The following TRERF1 variants were observed in gnomAD, a reference collection of about 807,000 sequenced individuals.
The protein encoded by TRERF1 is transcriptional regulating factor 1, also known as transcriptional-regulating factor 1.
In TRERF1, 27 loss-of-function variants were observed where a neutral mutation model predicts 122.9. That is an observed-to-expected ratio of 0.22 (90% CI 0.16 to 0.30). The LOEUF is 0.30. TRERF1 is among the 10% of genes least tolerant of loss of function. TRERF1 has a pLI of 1.00. For synonymous variants in TRERF1, 636 were observed against 641.7 expected, an observed-to-expected ratio of 0.99 and a Z score of 0.13; for missense variants, 1,248 against 1,560.3, an observed-to-expected ratio of 0.80 and a Z score of 3.37.
intron 3 of TRERF1, among the ~76,000 whole-genome samples, chr6:42,324,218 C>CT (rs1238274069): frequency 6.6e-6 from 1 of 152,108 alleles, no homozygotes; most frequent in East Asian, 1.9e-4. Context: ...AATATCTCTA[C>CT]AAGAACTACA....
chr6:42,235,084 G>GTTT (rs10644115), intron 16 of TRERF1, among the ~76,000 whole-genome samples: 4,349 of 148,312 alleles, frequency 0.029, 231 homozygotes, highest in African/African-American at 0.1. Flanking sequence ...TATCTTTTTT[G>GTTT]TTTTTTTTTT....
Position 42,268,986 on chromosome 6 carries a change from T to G in TRERF1, c.605A>C (p.Gln202Pro), listed in dbSNP as rs1779756771. Residue 202 changes from glutamine (Q) to proline (P), a missense_variant, in exon 5 of 18, where the codon CAG becomes CCG. By Grantham distance (76) the Gln-to-Pro change is moderately conservative (BLOSUM62 -1). Transcript: ENST00000372922. The surrounding 1 kb of genome is among the most constrained non-coding windows in gnomAD (Gnocchi z 4.4). Reference sequence around the variant, plus strand: ...AGGGTGAGGCTGCTGGGGCACCTGCTGGTAGCGGGAAGGGATAGCCGGTGC... The same window carrying G: ...AGGGTGAGGCTGCTGGGGCACCTGCGGGTAGCGGGAAGGGATAGCCGGTGC... The G allele has an allele frequency of 1.2e-6, 2 of 1,612,350 alleles. No homozygotes were observed. The highest frequency in any genetic ancestry group is 1.7e-6 in the Non-Finnish European group (2 of 1,178,788).
At chr6:42,233,439 C>A (rs1008675414) in intron 16 of TRERF1, among the ~76,000 whole-genome samples, 4 of 152,078 alleles carry the variant, frequency 2.6e-5, no homozygotes, top group African/African-American at 9.7e-5. Context: ...GCGCCCGCCA[C>A]CACGCCTGGC....
rs1780918822 is a variant in TRERF1 at position 42,275,017 on chromosome 6, T to C, written c.-258-5169A>G. ...GGACAGTCAATCAGGTTCTTATATA[T>C]CCTCCTAGAGACACTTTATGCTCAT... On this transcript the variant is annotated intron_variant, in intron 4 of 17. Coordinates refer to ENST00000372922, the Ensembl canonical transcript of TRERF1. The surrounding 1 kb of genome is among the most constrained non-coding windows in gnomAD (Gnocchi z 4.1). 1.3e-5 allele frequency among the ~76,000 whole-genome samples: 2 copies of C among 152,172 alleles called. No individual in the cohort carries two copies. Among genetic ancestry groups the C allele is most frequent in the African/African-American group, 4.8e-5 (2 of 41,442 alleles).
At chr6:42,318,498 T>C (rs1762868488) in intron 3 of TRERF1, among the ~76,000 whole-genome samples, 1 of 152,122 alleles carries the variant, frequency 6.6e-6, no homozygotes, top group South Asian at 2.1e-4. Flanking sequence ...GAACCCTTCA[T>C]TCAGTTAAGA....
At chr6:42,365,684 T>C (rs1288635360) in intron 2 of TRERF1, among the ~76,000 whole-genome samples, 1 of 152,188 alleles carries the variant, frequency 6.6e-6, no homozygotes, top group Non-Finnish European at 1.5e-5. Context: ...AGGTAGCAAG[T>C]GGCAGAGCTA....
At chr6:42,312,613 G>A (rs1561966348) in intron 3 of TRERF1, among the ~76,000 whole-genome samples, 1 of 152,184 alleles carries the variant, frequency 6.6e-6, no homozygotes, top group Non-Finnish European at 1.5e-5. Flanking sequence ...GGTGTGCCGA[G>A]GTCTGGGCAT....
intron 4 of TRERF1, among the ~76,000 whole-genome samples, chr6:42,274,390 G>C (rs1014784076): frequency 6.6e-5 from 10 of 152,142 alleles, no homozygotes; most frequent in South Asian, 2.1e-4. Context: ...TTTGTTCAAT[G>C]AAAGAAGAGG....
intron 8 of TRERF1, among the ~76,000 whole-genome samples, chr6:42,260,866 C>T (rs1260076970): frequency 2.0e-5 from 3 of 152,182 alleles, no homozygotes; most frequent in African/African-American, 7.2e-5. Context: ...GAGCTTCAGG[C>T]TCTGCCCCCT....
chr6:42,451,063 C>G (rs1043102541), intron 2 of TRERF1, 114 bp downstream of exon 2: 23 of 152,168 alleles, frequency 1.5e-4, no homozygotes, highest in African/African-American at 5.5e-4. Flanking sequence ...GGGGGGGAGA[C>G]TTCTCCTTCT....
At chr6:42,339,554 C>A (rs575393802) in intron 3 of TRERF1, among the ~76,000 whole-genome samples, 16 of 152,342 alleles carry the variant, frequency 1.1e-4, no homozygotes, top group African/African-American at 3.6e-4. Flanking sequence ...TAAGCAAATT[C>A]TATTATGTTG....
chr6:42,315,396 G>A (rs919115801), intron 3 of TRERF1, among the ~76,000 whole-genome samples: 11 of 152,220 alleles, frequency 7.2e-5, no homozygotes, highest in African/African-American at 2.7e-4. Flanking sequence ...AGAAGCACAT[G>A]CCAAGGACTT....
intron 3 of TRERF1, among the ~76,000 whole-genome samples, chr6:42,338,376 G>A (rs1037845794): frequency 6.6e-6 from 1 of 152,194 alleles, no homozygotes; most frequent in Non-Finnish European, 1.5e-5. Context: ...GTCACGGGAC[G>A]TGGGTAGGGG....
At chr6:42,444,250 GA>G (rs1394276669) in intron 2 of TRERF1, among the ~76,000 whole-genome samples, 1 of 144,622 alleles carries the variant, frequency 6.9e-6, no homozygotes, top group African/African-American at 2.6e-5. Context: ...CACCAACTCT[GA>G]ACAGGGCTGA....
chr6:42,276,470 G>T lies in TRERF1; in HGVS notation c.-258-6622C>A, dbSNP rs1781169252. Among the ~76,000 whole-genome samples the T allele has an allele frequency of 6.6e-6, 1 of 152,166 alleles. No individual in the cohort carries two copies. The highest frequency in any genetic ancestry group is 1.5e-5 in the Non-Finnish European group (1 of 68,040). Reference sequence around the variant, plus strand: ...CAGCCTTCCTCTCGGCTCTGTCAAGGAAGCTTCACTCGACTCCCCTGGGGC... The same window carrying T: ...CAGCCTTCCTCTCGGCTCTGTCAAGTAAGCTTCACTCGACTCCCCTGGGGC... On this transcript the variant is annotated intron_variant, in intron 4 of 17. Transcript: ENST00000372922. The surrounding 1 kb of genome is among the most constrained non-coding windows in gnomAD (Gnocchi z 4.3).
chr6:42,330,850 T>C (rs532669281), intron 3 of TRERF1, among the ~76,000 whole-genome samples: 1 of 152,228 alleles, frequency 6.6e-6, no homozygotes, highest in Non-Finnish European at 1.5e-5. Flanking sequence ...TATTTATTTT[T>C]GTATTTTTAG....
intron 13 of TRERF1, among the ~76,000 whole-genome samples, chr6:42,254,073 C>T (rs1038755398): frequency 1.3e-5 from 2 of 152,206 alleles, no homozygotes; most frequent in Non-Finnish European, 2.9e-5. Context: ...GCTCTCCGAC[C>T]TATTTCCTTC....
intron 3 of TRERF1, among the ~76,000 whole-genome samples, chr6:42,334,461 A>G (rs1445318993): frequency 6.6e-6 from 1 of 152,250 alleles, no homozygotes; most frequent in Non-Finnish European, 1.5e-5. Context: ...TCTCATTACA[A>G]GAAAGAATTG....
intron 2 of TRERF1, among the ~76,000 whole-genome samples, chr6:42,439,364 C>T (rs529977690): frequency 8.5e-5 from 13 of 152,300 alleles, no homozygotes; most frequent in East Asian, 7.7e-4. Flanking sequence ...TGAGACAGTA[C>T]GTACCAGGCC....
Sources: gnomAD v4.1 joint callset for allele counts (sites outside exome capture counted in the v4.1 genomes callset) on GRCh38, gnomAD v4.1.1 for gene constraint, Gnocchi (gnomAD v3.1) non-coding constraint, MANE v1.5 for transcripts, NCBI Gene and HGNC (gene_info 2026-07-23, HGNC 2026-07-21) for gene names.